The following CACNA1H variants were observed in gnomAD, a reference collection of about 807,000 sequenced individuals.
The protein encoded by CACNA1H is calcium voltage-gated channel subunit alpha1 H, also known as voltage-dependent T-type calcium channel subunit alpha-1H.
In CACNA1H, 149 loss-of-function variants were observed where a neutral mutation model predicts 192.5. The ratio of observed to expected loss-of-function variants is 0.77; its 90% CI spans 0.68 to 0.89. CACNA1H has a LOEUF of 0.89. Among genes scored for constraint, CACNA1H ranks in the 40% least tolerant of loss-of-function variants. CACNA1H has a pLI of 0.00. For missense variants in CACNA1H, 4,257 were observed against 3,423.5 expected (o/e 1.24, Z -6.08); for synonymous variants, 2,202 against 1,475.2 (o/e 1.49, Z -11.29).
In CACNA1H at chr16:1,209,107, A is replaced by G. The variant is rs780122141; in HGVS notation, c.3439A>G (p.Ser1147Gly). Residue 1147 changes from serine to glycine, a missense_variant, in exon 17 of 35, where the codon AGC becomes GGC. Physicochemically the swap from Ser to Gly is moderately conservative, Grantham distance 56 (BLOSUM62 0). Transcript: ENST00000348261. The stretch of plus-strand genomic sequence containing the variant: ...GAGCAGCCGGCGCTCCAGCTGGAGC[A>G]GCCTGGGCCGTGCCCCCAGCCTCAA... ...AWSSRRSSWSSLGRAPSLKRR... is the reference protein window; with the variant it reads ...AWSSRRSSWSGLGRAPSLKRR... 1.2e-4 allele frequency: 189 copies of G among 1,556,052 alleles called. No individual in the cohort carries two copies. The Admixed American group carries it at 3.6e-3, about 30-fold the overall frequency.
Position 1,201,662 on chromosome 16 carries a change from G to C in CACNA1H, c.1213-1G>C. 6.3e-7 allele frequency: 1 copy of C among 1,591,308 alleles called. No homozygotes were observed. The highest frequency in any genetic ancestry group is 8.6e-7 in the Non-Finnish European group (1 of 1,167,144). On this transcript the variant is annotated splice_acceptor_variant, in intron 8 of 34. Coordinates refer to ENST00000348261, the MANE Select transcript of CACNA1H (RefSeq NM_021098.3). LOFTEE classifies it high-confidence loss of function. ...CACTTACCCGCCCGCCCCCGTCACA[G>C]GTGGGCTCCTTCTTCATGATCAACC...
chr16:1,174,183 G>A (rs1479727115), intron 2 of CACNA1H, among the ~76,000 whole-genome samples: 2 of 152,154 alleles, frequency 1.3e-5, no homozygotes, highest in Non-Finnish European at 2.9e-5. Context: ...AAGGGCAGAG[G>A]TCCTGGCGGC....
At position 1,205,115 on chromosome 16, in the gene CACNA1H, C is replaced by T. The variant is rs1433259788; in HGVS notation, c.2453C>T (p.Pro818Leu). 1.9e-6 allele frequency: 3 copies of T among 1,611,048 alleles called. No individual in the cohort carries two copies. The highest frequency in any genetic ancestry group is 2.5e-6 in the Non-Finnish European group (3 of 1,179,494). The change falls in exon 11 of 35, where the codon CCC becomes CTC. Residue 818 changes from proline (P) to leucine (L), a missense_variant and splice_region_variant. Pro to Leu is a moderately conservative substitution (Grantham distance 98). Coordinates refer to ENST00000348261, the MANE Select transcript of CACNA1H (RefSeq NM_021098.3). Reference protein sequence around the residue: ...LSMGVEYHEQPEELTNALEIS... With the variant: ...LSMGVEYHEQLEELTNALEIS... The stretch of plus-strand genomic sequence containing the variant: ...AACTGTCCCCACCTCTGCCTGCAGC[C>T]CGAGGAGCTGACTAATGCTCTGGAG...
intron 30 of CACNA1H, among the ~76,000 whole-genome samples, chr16:1,216,712 G>T (rs1315755954): frequency 6.6e-6 from 1 of 152,236 alleles, no homozygotes; most frequent in Non-Finnish European, 1.5e-5. Flanking sequence ...GGTGGGCTCT[G>T]TCTACCTGGT....
chr16:1,221,180 C>T lies in CACNA1H; in HGVS notation c.*186C>T, dbSNP rs749656562. ...AAGCAGGAGTAGCTGCCGGGCCCCA[C>T]GAGCCTCCGTCCGTTCTGGTTCGGG... On this transcript the variant is annotated 3_prime_UTR_variant, in exon 35 of 35. Coordinates refer to ENST00000348261, the MANE Select transcript of CACNA1H (RefSeq NM_021098.3). 4.4e-5 allele frequency: 24 copies of T among 546,234 alleles called. No homozygotes were observed. Among genetic ancestry groups the T allele is most frequent in the South Asian group, 9.4e-5 (3 of 31,968 alleles). 33.8% of individuals were successfully genotyped at this position (546,234 alleles called of 1,614,324 possible). A position where few individuals can be genotyped will look rare whatever the true frequency, so the allele number is the denominator to read the frequency against.
chr16:1,173,480 A>G lies in CACNA1H; in HGVS notation c.299+19444A>G, dbSNP rs972700971. Among the ~76,000 whole-genome samples the G allele has an allele frequency of 5.9e-5, 9 of 152,394 alleles. No individual in the cohort carries two copies. In the East Asian group the frequency reaches 1.2e-3, roughly 20 times the overall value. ...TCTCTCTCTCGCTATTTACTTTTTT[A>G]GTATTTAACATGAAAAATTTTAAAA... On this transcript the variant is annotated intron_variant, in intron 2 of 34. Coordinates refer to ENST00000348261, the MANE Select transcript of CACNA1H (RefSeq NM_021098.3).
intron 2 of CACNA1H, among the ~76,000 whole-genome samples, chr16:1,193,964 C>T (rs573147037): frequency 3.5e-4 from 53 of 152,274 alleles, no homozygotes; most frequent in African/African-American, 1.1e-3. Flanking sequence ...CAGTGCTGCA[C>T]GCAGCACCCA....
chr16:1,158,050 G>C (rs1596285537), intron 2 of CACNA1H: 1 of 152,334 alleles, frequency 6.6e-6, no homozygotes. Flanking sequence ...GAGTTGCAGG[G>C]ATGGATCCAT....
chr16:1,216,875 TG>T, intron 30 of CACNA1H, 56 bp from the exon 31 acceptor site: 1 of 1,395,482 alleles, frequency 7.2e-7, no homozygotes, highest in Non-Finnish European at 1.0e-6. Context: ...CCCTGCAGGG[TG>T]GGCTGAGGCC....
At chr16:1,201,273 A>T (rs1406631773) in intron 8 of CACNA1H, among the ~76,000 whole-genome samples, 1 of 152,148 alleles carries the variant, frequency 6.6e-6, no homozygotes, top group Non-Finnish European at 1.5e-5. Context: ...TGAGAGAGCA[A>T]GCGAAGCGAA....
chr16:1,157,063 T>G (rs1268211308), intron 2 of CACNA1H: 2 of 152,220 alleles, frequency 1.3e-5, no homozygotes, highest in African/African-American at 4.8e-5. Context: ...GGTTATGTGC[T>G]GCCCGGACTC....
rs959655257 is a variant in CACNA1H at position 1,204,041 on chromosome 16, C to T, written c.2034C>T (p.Gly678=). Reference sequence around the variant, plus strand: ...GCCAGGCCCCTGGCCATCTGTCGGGCCTCAGTGTGCCCTGCCCCCTGCCCA... The same window carrying T: ...GCCAGGCCCCTGGCCATCTGTCGGGTCTCAGTGTGCCCTGCCCCCTGCCCA... ...GLGQAPGHLS[G]LSVPCPLPSP... is the part of the protein sequence containing the mutation. The change falls in exon 10 of 35, where the codon GGC becomes GGT. Residue 678 remains glycine (G), a synonymous_variant. Coordinates refer to ENST00000348261, the MANE Select transcript of CACNA1H (RefSeq NM_021098.3). The T allele has an allele frequency of 1.3e-5, 20 of 1,576,282 alleles. No individual in the cohort carries two copies. Among genetic ancestry groups the T allele is most frequent in the Non-Finnish European group, 1.6e-5 (19 of 1,162,042 alleles).
At chr16:1,165,916 G>A (rs190356752) in intron 2 of CACNA1H, among the ~76,000 whole-genome samples, 2 of 152,290 alleles carry the variant, frequency 1.3e-5, no homozygotes, top group African/African-American at 2.4e-5. Flanking sequence ...TGTGGGGCCC[G>A]GCCCGGCCGT....
At position 1,174,277 on chromosome 16, in the gene CACNA1H, C is replaced by T. The variant is rs373416867; in HGVS notation, c.299+20241C>T. 2.0e-5 allele frequency among the ~76,000 whole-genome samples: 3 copies of T among 152,222 alleles called. No individual in the cohort carries two copies. The South Asian group carries it at 6.2e-4, about 32-fold the overall frequency. ...TTCAAGGCCACCCCATGGCCACGGGCCAGCTGCCTTTCTCTCATTTCTCCT... is the reference window on the plus strand; with the variant it reads ...TTCAAGGCCACCCCATGGCCACGGGTCAGCTGCCTTTCTCTCATTTCTCCT... On this transcript the variant is annotated intron_variant, in intron 2 of 34. Transcript: ENST00000348261.
chr16:1,216,203 C>T (rs1567551613), intron 30 of CACNA1H, among the ~76,000 whole-genome samples: 2 of 152,212 alleles, frequency 1.3e-5, no homozygotes, highest in African/African-American at 2.4e-5. Flanking sequence ...TTTCCTGTCC[C>T]TGCGCCATCT....
In CACNA1H at chr16:1,221,186, T is replaced by G. The variant is rs1369713739; in HGVS notation, c.*192T>G. 5.5e-6 allele frequency: 3 copies of G among 544,394 alleles called. No individual in the cohort carries two copies. Among genetic ancestry groups the G allele is most frequent in the Admixed American group, 6.7e-5 (2 of 29,776 alleles). The allele number at this position is 544,394 out of a possible 1,614,324, so 33.7% of individuals were successfully genotyped here. A position where few individuals can be genotyped will look rare whatever the true frequency, so the allele number is the denominator to read the frequency against. On this transcript the variant is annotated 3_prime_UTR_variant, in exon 35 of 35. Transcript: ENST00000348261. Reference sequence around the variant, plus strand: ...GAGTAGCTGCCGGGCCCCACGAGCCTCCGTCCGTTCTGGTTCGGGTTTCTC... The same window carrying G: ...GAGTAGCTGCCGGGCCCCACGAGCCGCCGTCCGTTCTGGTTCGGGTTTCTC...
intron 12 of CACNA1H, chr16:1,206,702 A>G: frequency 4.4e-6 from 2 of 455,722 alleles, no homozygotes; most frequent in Non-Finnish European, 8.0e-6. Context: ...GAGAGGCTGA[A>G]TGAGGCAGGT....
chr16:1,186,163 C>G (rs113849991), intron 2 of CACNA1H, among the ~76,000 whole-genome samples: 4 of 151,346 alleles, frequency 2.6e-5, no homozygotes, highest in African/African-American at 7.3e-5. Flanking sequence ...GGTCGGCGTG[C>G]GTAGGGGCCG....
At chr16:1,187,529 G>T (rs1475685999) in intron 2 of CACNA1H, among the ~76,000 whole-genome samples, 3 of 152,236 alleles carry the variant, frequency 2.0e-5, no homozygotes, top group Admixed American at 2.0e-4. Flanking sequence ...TGGCCTAATG[G>T]GGCTCAGCTG....
Sources: allele counts gnomAD v4.1 joint callset (sites outside exome capture counted in the v4.1 genomes callset), GRCh38; gene constraint gnomAD v4.1.1; transcripts MANE v1.5; gene names NCBI Gene and HGNC (gene_info 2026-07-23, HGNC 2026-07-21).